The following CDC16 variants were observed in gnomAD, a reference collection of about 807,000 sequenced individuals.
CDC16 encodes the protein cell division cycle protein 16 homolog.
A neutral mutation model predicts 87.0 loss-of-function variants in CDC16; 34 were observed. The observed-to-expected ratio is 0.39, with a 90% CI of 0.30 to 0.52. The LOEUF (loss-of-function observed/expected upper bound fraction) is 0.52. Among genes scored for constraint, CDC16 ranks in the 20% least tolerant of loss-of-function variants. The pLI, the probability that CDC16 is intolerant of heterozygous loss-of-function variation, is 0.74. For missense variants in CDC16, 653 were observed against 751.9 expected (o/e 0.87, Z 1.54); for synonymous variants, 263 against 260.6 (o/e 1.01, Z -0.09).
intron 12 of CDC16, among the ~76,000 whole-genome samples, chr13:114,254,360 CT>C (rs1005578594): frequency 2.0e-5 from 3 of 152,062 alleles, no homozygotes; most frequent in Admixed American, 6.6e-5. Context: ...TTTTAATCCC[CT>C]TTTTTTATTA....
At chr13:114,258,983 A>C (rs979374363) in intron 13 of CDC16, among the ~76,000 whole-genome samples, 2 of 151,894 alleles carry the variant, frequency 1.3e-5, no homozygotes, top group Non-Finnish European at 2.9e-5. Flanking sequence ...CTGTAATCCC[A>C]GCTGTGTCAG....
intron 12 of CDC16, among the ~76,000 whole-genome samples, chr13:114,256,091 A>AG (rs921210128): frequency 6.6e-6 from 1 of 152,234 alleles, no homozygotes; most frequent in Non-Finnish European, 1.5e-5. Flanking sequence ...AGCTAGGGAA[A>AG]GGGAGATGGG....
At chr13:114,256,352 G>C (rs560841743) in intron 12 of CDC16, among the ~76,000 whole-genome samples, 28 of 152,162 alleles carry the variant, frequency 1.8e-4, no homozygotes, top group Non-Finnish European at 2.5e-4. Context: ...ATGACCTTCT[G>C]TAGAGGATAT....
chr13:114,262,185 C>A (rs1447798513), intron 15 of CDC16, among the ~76,000 whole-genome samples: 2 of 152,052 alleles, frequency 1.3e-5, no homozygotes, highest in Non-Finnish European at 2.9e-5. Flanking sequence ...AAAATTAATT[C>A]AGAAGAATTA....
intron 7 of CDC16, 63 bp downstream of exon 7, chr13:114,243,411 A>G (rs1167698328): frequency 1.2e-5 from 10 of 811,900 alleles, no homozygotes; most frequent in African/African-American, 5.2e-5. Context: ...AAAATTTGGC[A>G]TCTAGTCTTA....
chr13:114,263,066 CCT>C, intron 16 of CDC16, 52 bp downstream of exon 16: 1 of 1,503,814 alleles, frequency 6.6e-7, no homozygotes, highest in Non-Finnish European at 9.2e-7. Flanking sequence ...TTGACCACTT[CCT>C]TTTTTGAAAA....
intron 11 of CDC16, among the ~76,000 whole-genome samples, chr13:114,250,129 A>G (rs1393997185): frequency 1.3e-5 from 2 of 152,182 alleles, no homozygotes; most frequent in Non-Finnish European, 2.9e-5. Flanking sequence ...TTGAGGCTGC[A>G]GTGAGCTATG....
At chr13:114,268,587 G>A (rs1157637412) in intron 17 of CDC16, among the ~76,000 whole-genome samples, 1 of 152,174 alleles carries the variant, frequency 6.6e-6, no homozygotes, top group East Asian at 1.9e-4. Context: ...ACCAATCAGA[G>A]GCTGAAGTGA....
intron 11 of CDC16, among the ~76,000 whole-genome samples, chr13:114,250,138 T>C (rs1169684519): frequency 6.6e-6 from 1 of 152,092 alleles, no homozygotes; most frequent in Non-Finnish European, 1.5e-5. Context: ...CAGTGAGCTA[T>C]GATCATACCA....
rs2081705129 is a variant in CDC16, at chr13:114,244,004, C to T, written c.767+15C>T. 6.3e-7 allele frequency: 1 copy of T among 1,591,030 alleles called. No homozygotes were observed. Among genetic ancestry groups the T allele is most frequent in the African/African-American group, 1.3e-5 (1 of 74,526 alleles). ...CTTACTTCTGTGTAAGTATATCCAT[C>T]CATTTTTCTGTAGGAACATGGAGTT... On this transcript the variant is annotated intron_variant, in intron 8 of 17. Coordinates refer to ENST00000356221, the MANE Select transcript of CDC16 (RefSeq NM_001078645.3).
At chr13:114,241,780 G>A (rs535254522) in intron 5 of CDC16, among the ~76,000 whole-genome samples, 1 of 152,192 alleles carries the variant, frequency 6.6e-6, no homozygotes, top group Admixed American at 6.5e-5. Context: ...GCCAGGCATG[G>A]TTGCTCATGC....
At chr13:114,242,369 A>G in intron 6 of CDC16, 89 bp downstream of exon 6, 1 of 1,190,420 alleles carries the variant, frequency 8.4e-7, no homozygotes, top group Non-Finnish European at 1.2e-6. Context: ...AGTCAACAAC[A>G]GGCCACATAC....
At chr13:114,263,664 A>G (rs1428764561) in intron 16 of CDC16, among the ~76,000 whole-genome samples, 1 of 152,250 alleles carries the variant, frequency 6.6e-6, no homozygotes, top group Non-Finnish European at 1.5e-5. Flanking sequence ...TTCTCAAAAT[A>G]GTGCCCTGGT....
intron 3 of CDC16, among the ~76,000 whole-genome samples, chr13:114,237,918 A>G (rs2081334788): frequency 1.3e-5 from 2 of 152,336 alleles, no homozygotes; most frequent in African/African-American, 2.4e-5. Flanking sequence ...AAAGTCATTC[A>G]GTGACTTCCC....
Position 114,234,968 on chromosome 13 carries a change from G to A in CDC16, c.-117G>A. 1.3e-6 allele frequency: 1 copy of A among 775,892 alleles called. No individual in the cohort carries two copies. Among genetic ancestry groups the A allele is most frequent in the Non-Finnish European group, 1.7e-6 (1 of 573,886 alleles). The allele number at this position is 775,892 out of a possible 1,614,324, so 48.1% of individuals were successfully genotyped here. ...CGGCCTTCGAGTCCGCGGCCTTCGA[G>A]TCCTGGGGCGGCGGCGGCGGCTGCA... On this transcript the variant is annotated 5_prime_UTR_variant, in exon 1 of 18. Transcript: ENST00000356221.
chr13:114,235,843 A>C (rs2081222789), intron 1 of CDC16, among the ~76,000 whole-genome samples: 1 of 152,206 alleles, frequency 6.6e-6, no homozygotes, highest in Non-Finnish European at 1.5e-5. Context: ...ACCATGAGTC[A>C]GTTGAATTCA....
At chr13:114,246,297 C>T (rs2081869771) in intron 10 of CDC16, among the ~76,000 whole-genome samples, 1 of 152,174 alleles carries the variant, frequency 6.6e-6, no homozygotes, top group African/African-American at 2.4e-5. Context: ...AGAAGTTATA[C>T]ATGCTTATTT....
chr13:114,257,985 C>G (rs1049137723), intron 13 of CDC16, among the ~76,000 whole-genome samples: 1 of 151,994 alleles, frequency 6.6e-6, no homozygotes, highest in Non-Finnish European at 1.5e-5. Context: ...CAGGGTTTCA[C>G]CATGTTGGTC....
At position 114,250,691 on chromosome 13, in the gene CDC16, T is replaced by G. The variant is rs367687850; in HGVS notation, c.1097+17T>G. 1 of 1,612,236 alleles carries G rather than the reference T, an allele frequency of 6.2e-7. No individual in the cohort carries two copies. Among genetic ancestry groups the G allele is most frequent in the African/African-American group, 1.3e-5 (1 of 74,784 alleles). On this transcript the variant is annotated intron_variant, in intron 12 of 17. Coordinates refer to ENST00000356221, the MANE Select transcript of CDC16 (RefSeq NM_001078645.3). Reference sequence around the variant, plus strand: ...GATGAAAGGGTACGGCAGAGCAAACTCATCAAACTCCATGAAGGGATGTTT... The same window carrying G: ...GATGAAAGGGTACGGCAGAGCAAACGCATCAAACTCCATGAAGGGATGTTT...
Sources: gnomAD v4.1 joint callset for allele counts (sites outside exome capture counted in the v4.1 genomes callset) on GRCh38, gnomAD v4.1.1 for gene constraint, MANE v1.5 for transcripts, NCBI Gene and HGNC (gene_info 2026-07-23, HGNC 2026-07-21) for gene names.